PLA1A: variants seen among roughly 807,000 people sequenced by gnomAD.
PLA1A encodes phospholipase A1 member A.
Under a neutral mutation model 49.4 loss-of-function variants are expected in PLA1A, and 47 were observed. The ratio of observed to expected loss-of-function variants is 0.95; its 90% confidence interval spans 0.75 to 1.21. The LOEUF is 1.21. Ranked by LOEUF, PLA1A falls within the 50% of genes most tolerant of loss-of-function variation. PLA1A has a pLI of 0.00. For missense variants in PLA1A, 561 were observed against 563.9 expected (o/e 0.99, Z 0.05); for synonymous variants, 224 against 207.9 (o/e 1.08, Z -0.67).
Position 119,620,607 on chromosome 3 carries a change from A to G in PLA1A, c.1012+955A>G, listed in dbSNP as rs1236523354. The stretch of plus-strand genomic sequence containing the variant: ...TAACAGTACCTACTTTAAAGAACCA[A>G]TTGTGAGTATAAAATAAAATGGTGC... On this transcript the variant is annotated intron_variant, in intron 8 of 10. Transcript: ENST00000273371. Among the ~76,000 whole-genome samples the G allele has an allele frequency of 3.9e-5, 6 of 152,302 alleles. No homozygotes were observed. In the East Asian group the frequency reaches 9.6e-4, roughly 24 times the overall value.
intron 7 of PLA1A, among the ~76,000 whole-genome samples, chr3:119,618,413 A>T (rs577013156): frequency 5.0e-4 from 76 of 151,994 alleles, no homozygotes; most frequent in African/African-American, 1.7e-3. Context: ...TCCTTGCCCC[A>T]CACACACCCT....
Position 119,613,042 on chromosome 3 carries a change from C to T in PLA1A, c.588C>T (p.Tyr196=), listed in dbSNP as rs1486568168. The T allele has an allele frequency of 3.7e-6, 6 of 1,604,294 alleles. No homozygotes were observed. In the African/African-American group the frequency reaches 6.7e-5, roughly 18 times the overall value. ...GCCTGGACCCCGCTGGACCTGAGTA[C>T]ACCAGGGCCAGTGTGGAAGAGCGCT... ...ITGLDPAGPE[Y]TRASVEERLD... Residue 196 remains tyrosine (Y), a synonymous_variant, in exon 5 of 11, where the codon TAC becomes TAT. Transcript: ENST00000273371.
In PLA1A at chr3:119,629,769, G is replaced by A; in HGVS notation, c.*301G>A. On this transcript the variant is annotated 3_prime_UTR_variant, in exon 11 of 11. Coordinates refer to ENST00000273371, the MANE Select transcript of PLA1A (RefSeq NM_015900.4). ...TAGGATTCAATAGAAACATGTACAG[G>A]GTAAACAATTTTTTAAAAATAAAAC... The A allele has an allele frequency of 9.2e-6, 3 of 327,090 alleles. No individual in the cohort carries two copies. The highest frequency in any genetic ancestry group is 4.9e-5 in the East Asian group (1 of 20,400). The allele number at this position is 327,090 out of a possible 1,614,324, so 20.3% of individuals were successfully genotyped here.
chr3:119,624,670 G>A (rs367656732), intron 8 of PLA1A, among the ~76,000 whole-genome samples: 14 of 150,440 alleles, frequency 9.3e-5, no homozygotes, highest in Middle Eastern at 6.8e-3. Flanking sequence ...TTGCTCTGCC[G>A]CCCAGGCTGG....
chr3:119,620,046 C>T, intron 8 of PLA1A: 1 of 460,620 alleles, frequency 2.2e-6, no homozygotes, highest in Non-Finnish European at 4.4e-6. Flanking sequence ...AATACTGAAC[C>T]TTTCCCTCTG....
At chr3:119,614,380 G>GATCACAAGGTCAGGAGATCGA (rs946947751) in intron 5 of PLA1A, among the ~76,000 whole-genome samples, 2 of 152,048 alleles carry the variant, frequency 1.3e-5, no homozygotes, top group African/African-American at 4.8e-5. Context: ...AAGGCGGGTG[G>GATCACAAGGTCAGGAGATCGA]ATCACAAGGT....
At chr3:119,616,150 T>G in intron 6 of PLA1A, 49 bp downstream of exon 6, 2 of 1,157,386 alleles carry the variant, frequency 1.7e-6, no homozygotes, top group Non-Finnish European at 2.6e-6. Flanking sequence ...GAGATTGAAA[T>G]TCACCAACAG....
intron 2 of PLA1A, among the ~76,000 whole-genome samples, chr3:119,608,329 A>G (rs947628618): frequency 6.6e-6 from 1 of 152,190 alleles, no homozygotes; most frequent in Non-Finnish European, 1.5e-5. Context: ...AAGAGCCTAT[A>G]TTTTAGAATG....
intron 1 of PLA1A, among the ~76,000 whole-genome samples, chr3:119,602,211 T>G (rs2082626072): frequency 6.6e-6 from 1 of 152,232 alleles, no homozygotes; most frequent in African/African-American, 2.4e-5. Flanking sequence ...CATTTTCTAT[T>G]CCTGGAACAG....
intron 1 of PLA1A, among the ~76,000 whole-genome samples, chr3:119,601,631 A>G (rs978666612): frequency 6.6e-6 from 1 of 152,198 alleles, no homozygotes; most frequent in Admixed American, 6.5e-5. Flanking sequence ...TATCAGCTTC[A>G]AATACTGGCA....
intron 8 of PLA1A, among the ~76,000 whole-genome samples, chr3:119,622,409 G>A (rs1184666800): frequency 1.3e-5 from 2 of 152,136 alleles, no homozygotes; most frequent in Non-Finnish European, 2.9e-5. Flanking sequence ...ATATCCCATA[G>A]TAACATCTGA....
At chr3:119,613,485 G>T (rs1007454617) in intron 5 of PLA1A, among the ~76,000 whole-genome samples, 20 of 152,208 alleles carry the variant, frequency 1.3e-4, no homozygotes, top group African/African-American at 4.6e-4. Flanking sequence ...TTTTAGGATG[G>T]GTGTGCCTGG....
At chr3:119,604,412 A>G (rs1184520006) in intron 1 of PLA1A, among the ~76,000 whole-genome samples, 1 of 152,262 alleles carries the variant, frequency 6.6e-6, no homozygotes, top group Non-Finnish European at 1.5e-5. Flanking sequence ...TACATACACA[A>G]AGGAATACTA....
At chr3:119,616,310 C>G (rs1397722791) in intron 6 of PLA1A, among the ~76,000 whole-genome samples, 1 of 152,214 alleles carries the variant, frequency 6.6e-6, no homozygotes, top group Non-Finnish European at 1.5e-5. Flanking sequence ...ACAGTCCACA[C>G]CAACTGCATC....
intron 2 of PLA1A, among the ~76,000 whole-genome samples, chr3:119,608,248 GAA>G (rs1238984850): frequency 2.5e-5 from 2 of 78,776 alleles, no homozygotes; most frequent in South Asian, 3.9e-4. Flanking sequence ...AAGAGAGAAA[GAA>G]AGAAAGAAAG....
At chr3:119,609,645 C>G in intron 4 of PLA1A, 69 bp downstream of exon 4, 2 of 846,886 alleles carry the variant, frequency 2.4e-6, no homozygotes, top group East Asian at 2.4e-5. Context: ...AATATCTCTT[C>G]TAAAGCAAGC....
chr3:119,602,228 T>TTCC (rs2082626411), intron 1 of PLA1A, among the ~76,000 whole-genome samples: 4 of 152,348 alleles, frequency 2.6e-5, no homozygotes, highest in Non-Finnish European at 2.9e-5. Flanking sequence ...ACAGCATGTG[T>TTCC]AAGCTAGGGA....
chr3:119,615,929 G>A, intron 5 of PLA1A, 83 bp from the exon 6 acceptor site: 4 of 790,458 alleles, frequency 5.1e-6, no homozygotes, highest in Admixed American at 1.9e-5. Context: ...GAGAGTGGGT[G>A]GGCTCCCAAG....
intron 6 of PLA1A, 116 bp from the exon 7 acceptor site, chr3:119,617,903 C>A: frequency 3.0e-6 from 2 of 674,960 alleles, no homozygotes; most frequent in Non-Finnish European, 4.9e-6. Flanking sequence ...TTTGAGGGGA[C>A]TCCCATGCAT....
Sources: allele counts gnomAD v4.1 joint callset (sites outside exome capture counted in the v4.1 genomes callset), GRCh38; gene constraint gnomAD v4.1.1; transcripts MANE v1.5; gene names NCBI Gene and HGNC (gene_info 2026-07-23, HGNC 2026-07-21).